The following ANKRD13B variants were observed in gnomAD, a reference collection of about 807,000 sequenced individuals.
ANKRD13B encodes ankyrin repeat domain 13B, also known as ankyrin repeat domain-containing protein 13B.
A neutral mutation model predicts 74.4 loss-of-function variants in ANKRD13B; 33 were observed. That is an observed-to-expected ratio of 0.44 (90% CI 0.34 to 0.59). ANKRD13B has a LOEUF of 0.59. Ranked by LOEUF, ANKRD13B falls within the 20% of genes least tolerant of loss-of-function variation. The pLI, the probability that ANKRD13B is intolerant of heterozygous loss-of-function variation, is 0.02. For synonymous variants in ANKRD13B, 341 were observed against 362.9 expected (o/e 0.94, Z 0.68); for missense variants, 676 against 877.9 (o/e 0.77, Z 2.91).
intron 14 of ANKRD13B, 165 bp from the exon 15 acceptor site, chr17:29,613,189 T>C: frequency 8.0e-7 from 1 of 1,250,460 alleles, no homozygotes; most frequent in Non-Finnish European, 1.1e-6. Flanking sequence ...CTTGGTAGGG[T>C]CTGGGCTCCG....
chr17:29,607,953 C>A, intron 2 of ANKRD13B, 33 bp from the exon 3 acceptor site: 1 of 1,591,792 alleles, frequency 6.3e-7, no homozygotes. Context: ...GCTGAAGGGT[C>A]CTGCCCTGTG....
At chr17:29,601,277 A>C (rs535448507) in intron 1 of ANKRD13B, among the ~76,000 whole-genome samples, 23 of 148,516 alleles carry the variant, frequency 1.5e-4, no homozygotes, top group African/African-American at 5.5e-4. Context: ...GCTGGAGTGC[A>C]GTGGTGCGAT....
At chr17:29,597,942 G>A (rs1477584644) in intron 1 of ANKRD13B, among the ~76,000 whole-genome samples, 2 of 152,130 alleles carry the variant, frequency 1.3e-5, no homozygotes, top group Non-Finnish European at 2.9e-5. Context: ...GAGCCCTGAG[G>A]CCAGGCAGCG....
At chr17:29,606,435 G>C (rs1007370622) in intron 1 of ANKRD13B, among the ~76,000 whole-genome samples, 1 of 151,594 alleles carries the variant, frequency 6.6e-6, no homozygotes, top group Non-Finnish European at 1.5e-5. Flanking sequence ...GTGCTCGCCT[G>C]TAATCCCAGC....
chr17:29,607,240 C>T (rs1359328503), intron 1 of ANKRD13B, among the ~76,000 whole-genome samples: 1 of 152,200 alleles, frequency 6.6e-6, no homozygotes, highest in East Asian at 1.9e-4. Flanking sequence ...TTATTTCATT[C>T]CTGTCTGTGT....
intron 1 of ANKRD13B, among the ~76,000 whole-genome samples, chr17:29,598,418 C>T (rs1296696773): frequency 1.3e-5 from 2 of 152,160 alleles, no homozygotes; most frequent in Non-Finnish European, 2.9e-5. Flanking sequence ...ACCTCCCCAG[C>T]ACTCTGGACT....
At position 29,612,982 on chromosome 17, in the gene ANKRD13B, G is replaced by A. The variant is rs752377917; in HGVS notation, c.1652+19G>A. 3 of 1,592,570 alleles carry A rather than the reference G, an allele frequency of 1.9e-6. No homozygotes were observed. Among genetic ancestry groups the A allele is most frequent in the Non-Finnish European group, 2.5e-6 (3 of 1,177,162 alleles). Reference sequence around the variant, plus strand: ...AGGACAGGTCAGTGCCCGCTGGGCCGGAGAGAATCCTCCGGAGAGGATCCT... The same window carrying A: ...AGGACAGGTCAGTGCCCGCTGGGCCAGAGAGAATCCTCCGGAGAGGATCCT... On this transcript the variant is annotated intron_variant, in intron 14 of 14. Transcript: ENST00000394859. This position sits in a 1 kb window ranked among gnomAD's most constrained non-coding sequence, Gnocchi z 6.1.
In ANKRD13B at chr17:29,609,505, A is replaced by C. The variant is rs770925792; in HGVS notation, c.822+84A>C. ...CAGGGGATTCTGACCTCCCTTCCCC[A>C]GCCCTGGAGGTACAGAAGCAATGCA... On this transcript the variant is annotated intron_variant, in intron 7 of 14. Transcript: ENST00000394859. This position sits in a 1 kb window ranked among gnomAD's most constrained non-coding sequence, Gnocchi z 4.0. The C allele has an allele frequency of 9.3e-6, 14 of 1,505,448 alleles. No individual in the cohort carries two copies. The highest frequency in any genetic ancestry group is 1.3e-5 in the Non-Finnish European group (14 of 1,097,568). The allele number at this position is 1,505,448 out of a possible 1,614,324, so 93.3% of individuals were successfully genotyped here. A position where few individuals can be genotyped will look rare whatever the true frequency, so the allele number is the denominator to read the frequency against.
chr17:29,613,466 C>T lies in ANKRD13B; in HGVS notation c.1765C>T (p.Gln589Ter). The T allele has an allele frequency of 6.5e-7, 1 of 1,533,310 alleles. No homozygotes were observed. 95.0% of individuals were successfully genotyped at this position (1,533,310 alleles called of 1,614,324 possible). A position where few individuals can be genotyped will look rare whatever the true frequency, so the allele number is the denominator to read the frequency against. ...GGHVFRSYDEQLRLAMELSAQ... is the reference protein window; with the variant it reads ...GGHVFRSYDE ...CCACGTGTTCCGGAGCTACGACGAGCAGCTGCGGCTGGCGATGGAACTGTC... is the reference window on the plus strand; with the variant it reads ...CCACGTGTTCCGGAGCTACGACGAGTAGCTGCGGCTGGCGATGGAACTGTC... The change falls in exon 15 of 15, where the codon CAG (glutamine) becomes TAG (stop). Residue 589 changes from glutamine to a stop codon, truncating the protein, a stop_gained. Coordinates refer to ENST00000394859, the MANE Select transcript of ANKRD13B (RefSeq NM_152345.5). LOFTEE classifies it high-confidence loss of function.
chr17:29,610,178 C>T (rs375508741), intron 7 of ANKRD13B, among the ~76,000 whole-genome samples: 70 of 142,734 alleles, frequency 4.9e-4, no homozygotes, highest in African/African-American at 1.8e-3. Flanking sequence ...GGCAACAGAG[C>T]GAGACTCCAT....
chr17:29,612,806 G>A lies in ANKRD13B; in HGVS notation c.1566G>A (p.Glu522=). The A allele has an allele frequency of 6.2e-7, 1 of 1,602,912 alleles. No individual in the cohort carries two copies. Among genetic ancestry groups the A allele is most frequent in the Non-Finnish European group, 8.5e-7 (1 of 1,178,624 alleles). The part of the protein sequence containing the change: ...IQQSLLEAGS[E]YDQVTIWEAL... ...AGAGCCTGCTTGAGGCGGGCAGTGA[G>A]TATGACCAGGTGCGTCTCCGCGGGC... is the stretch of plus-strand genomic sequence containing the variant. Residue 522 remains glutamate, a synonymous_variant, in exon 13 of 15, where the codon GAG becomes GAA. Transcript: ENST00000394859. The surrounding 1 kb of genome is among the most constrained non-coding windows in gnomAD (Gnocchi z 6.1).
Position 29,609,278 on chromosome 17 carries a change from G to T in ANKRD13B, c.755+3G>T, listed in dbSNP as rs375446982. 1.2e-4 allele frequency: 197 copies of T among 1,612,960 alleles called. 1 individual carries two copies. Among genetic ancestry groups the T allele is most frequent in the Middle Eastern group, 9.9e-4 (6 of 6,060 alleles). On this transcript the variant is annotated splice_donor_region_variant and intron_variant, in intron 6 of 14. Transcript: ENST00000394859. The surrounding 1 kb of genome is among the most constrained non-coding windows in gnomAD (Gnocchi z 4.0). ...ACCAAGAATATCTCCTTTGAGAGGT[G>T]GGTGGACATGGCCTTGGTCACCCTT...
intron 14 of ANKRD13B, 49 bp downstream of exon 14, chr17:29,613,012 C>T (rs2034652625): frequency 1.9e-6 from 3 of 1,568,592 alleles, no homozygotes; most frequent in Non-Finnish European, 2.6e-6. Flanking sequence ...GATCCTGTCT[C>T]CCCTAAGCCA....
Position 29,604,383 on chromosome 17 carries a change from A to AT in ANKRD13B, c.115-3353dup, listed in dbSNP as rs552978032. ...CTACCATACCTGGCTAATTTTTTGT[A>AT]TTTTTTGTAGACATGGGGTTTTGGT... On this transcript the variant is annotated intron_variant, in intron 1 of 14. Coordinates refer to ENST00000394859, the MANE Select transcript of ANKRD13B (RefSeq NM_152345.5). 5.6e-4 allele frequency among the ~76,000 whole-genome samples: 84 copies of AT among 150,980 alleles called. 1 individual carries two copies. In the South Asian group the frequency reaches 0.016, roughly 29 times the overall value.
At chr17:29,607,666 T>C in intron 1 of ANKRD13B, 76 bp from the exon 2 acceptor site, 7 of 1,534,542 alleles carry the variant, frequency 4.6e-6, no homozygotes, top group African/African-American at 1.4e-5. Context: ...TGCTGCCTGC[T>C]CCAGGGCTGT....
rs929843176 is a variant in ANKRD13B, at chr17:29,608,330, C to T, written c.421+90C>T. ...CCTGGAATGTGTTCTCATAGTTCTT[C>T]CGGCGGTTCCCTCTATGCCTTAGCT... On this transcript the variant is annotated intron_variant, in intron 4 of 14. Coordinates refer to ENST00000394859, the MANE Select transcript of ANKRD13B (RefSeq NM_152345.5). This position sits in a 1 kb window ranked among gnomAD's most constrained non-coding sequence, Gnocchi z 6.4. The T allele has an allele frequency of 3.6e-5, 56 of 1,547,278 alleles. No individual in the cohort carries two copies. Among genetic ancestry groups the T allele is most frequent in the Non-Finnish European group, 4.6e-5 (52 of 1,134,714 alleles).
intron 1 of ANKRD13B, among the ~76,000 whole-genome samples, chr17:29,594,787 A>T (rs1474734413): frequency 6.6e-6 from 1 of 152,116 alleles, no homozygotes; most frequent in Non-Finnish European, 1.5e-5. Flanking sequence ...CCGCTGTGGG[A>T]ATTTACCTTC....
At chr17:29,600,922 CTTT>C (rs35831588) in intron 1 of ANKRD13B, among the ~76,000 whole-genome samples, 3 of 125,672 alleles carry the variant, frequency 2.4e-5, no homozygotes, top group Admixed American at 8.3e-5. Context: ...ATTTTACTGA[CTTT>C]TTTTTTTTTT....
In ANKRD13B at chr17:29,613,530, A is replaced by C. The variant is rs965673973; in HGVS notation, c.1829A>C (p.Gln610Pro). The C allele has an allele frequency of 6.6e-7, 1 of 1,519,240 alleles. No homozygotes were observed. Among genetic ancestry groups the C allele is most frequent in the Non-Finnish European group, 8.8e-7 (1 of 1,136,150 alleles). The allele number at this position is 1,519,240 out of a possible 1,614,324, so 94.1% of individuals were successfully genotyped here. The change falls in exon 15 of 15, where the codon CAG becomes CCG. Residue 610 changes from glutamine to proline, a missense_variant. Gln to Pro is a moderately conservative substitution (Grantham distance 76, BLOSUM62 -1). This residue lies in a region of ANKRD13B where 108 missense variants were observed against 90.3 expected (regional missense o/e 1.20). Coordinates refer to ENST00000394859, the MANE Select transcript of ANKRD13B (RefSeq NM_152345.5). ...EQEERRRRAR[Q>P]EEEELERILR... ...GAGGAGAGGCGGCGGCGCGCGCGCCAGGAGGAGGAGGAGCTGGAGCGCATC... is the reference window on the plus strand; with the variant it reads ...GAGGAGAGGCGGCGGCGCGCGCGCCCGGAGGAGGAGGAGCTGGAGCGCATC...
Sources: allele counts gnomAD v4.1 joint callset (sites outside exome capture counted in the v4.1 genomes callset), GRCh38; gene constraint gnomAD v4.1.1; regional missense constraint gnomAD v4.1.1; non-coding constraint Gnocchi (gnomAD v3.1); transcripts MANE v1.5; gene names NCBI Gene and HGNC (gene_info 2026-07-23, HGNC 2026-07-21).